PDCD6: variants seen among roughly 807,000 people sequenced by gnomAD.
The protein encoded by PDCD6 is programmed cell death 6.
In PDCD6, 12 loss-of-function variants were observed where a neutral mutation model predicts 28.3. The ratio of observed to expected loss-of-function variants is 0.42; its 90% CI spans 0.27 to 0.69. The LOEUF is 0.69. Among genes scored for constraint, PDCD6 ranks in the 30% least tolerant of loss-of-function variants. The pLI is 0.22. For synonymous variants in PDCD6, 92 were observed against 108.0 expected, an observed-to-expected ratio of 0.85 and a Z score of 0.92; for missense variants, 226 against 269.9, an observed-to-expected ratio of 0.84 and a Z score of 1.14.
chr5:300,893 C>T lies in PDCD6; in HGVS notation c.164-3284C>T, dbSNP rs147207840. ...ATACTCCAGAAGACCCCAGTATGGC[C>T]GTCCGGTTCCTCCTGGGCCCCAGCT... On this transcript the variant is annotated intron_variant, in intron 2 of 5. Coordinates refer to ENST00000264933, the MANE Select transcript of PDCD6 (RefSeq NM_013232.4). Among the ~76,000 whole-genome samples the T allele has an allele frequency of 6.6e-5, 10 of 152,288 alleles. No individual in the cohort carries two copies. In the East Asian group the frequency reaches 1.9e-3, roughly 29 times the overall value.
chr5:306,881 G>C, intron 4 of PDCD6, 121 bp downstream of exon 4: 1 of 972,342 alleles, frequency 1.0e-6, no homozygotes, highest in East Asian at 2.4e-5. Context: ...AGTTTTTGTT[G>C]ACGTCATGCA....
rs1464728130 is a variant in PDCD6, at chr5:307,258, GCGTGTGTGTGCACA to G, written c.367+505_367+518del. Among the ~76,000 whole-genome samples the G allele has an allele frequency of 5.5e-5, 5 of 91,476 alleles. No homozygotes were observed. Among genetic ancestry groups the G allele is most frequent in the African/African-American group, 4.5e-4 (5 of 11,224 alleles). 60.0% of individuals were successfully genotyped at this position (91,476 alleles called of 152,430 possible). A position where few individuals can be genotyped will look rare whatever the true frequency, so the allele number is the denominator to read the frequency against. On this transcript the variant is annotated intron_variant, in intron 4 of 5. Transcript: ENST00000264933. The surrounding 1 kb of genome is among the most constrained non-coding windows in gnomAD (Gnocchi z 6.1). ...TGTGTGCTCGGCGTGTGTGTGCTCG[GCGTGTGTGTGCACA>G]CGTGTGCCGTGCGCCTCAGAAGGGG...
At chr5:306,891 A>C in intron 4 of PDCD6, 131 bp downstream of exon 4, 1 of 861,840 alleles carries the variant, frequency 1.2e-6, no homozygotes, top group East Asian at 2.5e-5. Flanking sequence ...GACGTCATGC[A>C]GGTTCATATT....
intron 2 of PDCD6, among the ~76,000 whole-genome samples, chr5:288,475 T>A (rs1043038): frequency 6.6e-6 from 1 of 151,404 alleles, no homozygotes; most frequent in Non-Finnish European, 1.5e-5. Flanking sequence ...AAACCTTCTT[T>A]CATATGTATA....
intron 1 of PDCD6, 73 bp downstream of exon 1, chr5:271,894 A>T: frequency 2.5e-6 from 2 of 790,836 alleles, no homozygotes; most frequent in Non-Finnish European, 3.6e-6. Flanking sequence ...GACTCCCCCG[A>T]CCAACCCCGT....
chr5:271,780 G>A lies in PDCD6; in HGVS notation c.60G>A (p.Ala20=). 3 of 1,483,876 alleles carry A rather than the reference G, an allele frequency of 2.0e-6. No homozygotes were observed. The highest frequency in any genetic ancestry group is 2.7e-5 in the East Asian group (1 of 37,172). 91.9% of individuals were successfully genotyped at this position (1,483,876 alleles called of 1,614,324 possible). A position where few individuals can be genotyped will look rare whatever the true frequency, so the allele number is the denominator to read the frequency against. Residue 20 remains alanine (A), a synonymous_variant, in exon 1 of 6, where the codon GCG becomes GCA. Coordinates refer to ENST00000264933, the MANE Select transcript of PDCD6 (RefSeq NM_013232.4). ...CCGGCCCTGGGCCTGCTGCAGGCGC[G>A]GCGCTGCCGGACCAGAGCTTCCTGT... is the stretch of plus-strand genomic sequence containing the variant. ...PGAGPGPAAG[A]ALPDQSFLWN...
chr5:307,853 C>G lies in PDCD6; in HGVS notation c.367+1093C>G, dbSNP rs571326625. On this transcript the variant is annotated intron_variant, in intron 4 of 5. Coordinates refer to ENST00000264933, the MANE Select transcript of PDCD6 (RefSeq NM_013232.4). The surrounding 1 kb of genome is among the most constrained non-coding windows in gnomAD (Gnocchi z 6.1). Reference sequence around the variant, plus strand: ...GCCTTTCTTTCTCTTTTCTTTCTCACCTTACGAGCTTGTCCACAGGGCCGG... The same window carrying G: ...GCCTTTCTTTCTCTTTTCTTTCTCAGCTTACGAGCTTGTCCACAGGGCCGG... Among the ~76,000 whole-genome samples, 2 of 152,276 alleles carry G rather than the reference C, an allele frequency of 1.3e-5. No homozygotes were observed. Among genetic ancestry groups the G allele is most frequent in the South Asian group, 4.1e-4 (2 of 4,820 alleles).
chr5:274,540 GT>G (rs926711220), intron 2 of PDCD6, among the ~76,000 whole-genome samples: 1 of 152,252 alleles, frequency 6.6e-6, no homozygotes, highest in Non-Finnish European at 1.5e-5. Flanking sequence ...CAAGTGCTCA[GT>G]AATTGTCAGC....
intron 2 of PDCD6, among the ~76,000 whole-genome samples, chr5:303,858 CT>C (rs1420806002): frequency 6.8e-6 from 1 of 147,290 alleles, no homozygotes; most frequent in Non-Finnish European, 1.5e-5. Flanking sequence ...TTGAAAAATT[CT>C]GTGTGTAAAA....
chr5:279,181 T>G (rs2126690225), intron 2 of PDCD6, among the ~76,000 whole-genome samples: 1 of 143,796 alleles, frequency 7.0e-6, no homozygotes, highest in East Asian at 1.9e-4. Flanking sequence ...GATTTAATTT[T>G]GGGCCTCAGT....
chr5:309,299 T>C (rs1740740578), intron 4 of PDCD6: 1 of 156,092 alleles, frequency 6.4e-6, no homozygotes, highest in Non-Finnish European at 1.4e-5. Context: ...GGACTGACTT[T>C]CATGAACAGA....
chr5:313,229 G>T (rs548819825), intron 5 of PDCD6, among the ~76,000 whole-genome samples: 1 of 152,160 alleles, frequency 6.6e-6, no homozygotes, highest in Non-Finnish European at 1.5e-5. Context: ...CCTCAAAAAC[G>T]TTTTTATTTA....
chr5:272,535 C>CT (rs1737897334), intron 1 of PDCD6, among the ~76,000 whole-genome samples, 176 bp from the exon 2 acceptor site: 1 of 144,038 alleles, frequency 6.9e-6, no homozygotes, highest in Non-Finnish European at 1.5e-5. Flanking sequence ...GAAGACCACA[C>CT]TGGACGTCGG....
chr5:275,818 G>T (rs1208820302), intron 2 of PDCD6, among the ~76,000 whole-genome samples: 1 of 152,198 alleles, frequency 6.6e-6, no homozygotes, highest in Non-Finnish European at 1.5e-5. Context: ...TTAGTACACC[G>T]TGTTTCTGTT....
At chr5:290,546 G>A (rs1341545639) in intron 2 of PDCD6, among the ~76,000 whole-genome samples, 5 of 152,188 alleles carry the variant, frequency 3.3e-5, no homozygotes, top group Admixed American at 6.5e-5. Context: ...CCAACATGGC[G>A]CCTGGCACGT....
At chr5:311,502 A>G (rs1333506727) in intron 5 of PDCD6, 100 bp downstream of exon 5, 2 of 767,962 alleles carry the variant, frequency 2.6e-6, no homozygotes, top group Admixed American at 4.8e-5. Context: ...GGGCATGTGT[A>G]GAATTAGTTT....
At chr5:272,556 A>G (rs1334328601) in intron 1 of PDCD6, among the ~76,000 whole-genome samples, 155 bp from the exon 2 acceptor site, 1 of 144,924 alleles carries the variant, frequency 6.9e-6, no homozygotes, top group Non-Finnish European at 1.5e-5. Context: ...CTCCTGGGGC[A>G]CTTCCTTGAT....
At chr5:302,107 T>TGTGTGTGTGTGCGCGC (rs113802406) in intron 2 of PDCD6, among the ~76,000 whole-genome samples, 6 of 111,594 alleles carry the variant, frequency 5.4e-5, no homozygotes, top group African/African-American at 2.4e-4. Flanking sequence ...TGTGTGTGTG[T>TGTGTGTGTGTGCGCGC]GCCTTGGGTT....
At chr5:278,900 G>C (rs1738385975) in intron 2 of PDCD6, among the ~76,000 whole-genome samples, 1 of 151,500 alleles carries the variant, frequency 6.6e-6, no homozygotes, top group African/African-American at 2.4e-5. Flanking sequence ...GAGGGGCTAG[G>C]GATGCAAGCT....
Sources: gnomAD v4.1 joint callset for allele counts (sites outside exome capture counted in the v4.1 genomes callset) on GRCh38, gnomAD v4.1.1 for gene constraint, Gnocchi (gnomAD v3.1) non-coding constraint, MANE v1.5 for transcripts, NCBI Gene and HGNC (gene_info 2026-07-23, HGNC 2026-07-21) for gene names.